The following EYS variants were observed in gnomAD, a reference collection of about 807,000 sequenced individuals.
EYS encodes the protein EGF-like photoreceptor maintenance factor.
A neutral mutation model predicts 282.1 loss-of-function variants in EYS; 250 were observed. That is an observed-to-expected ratio of 0.89 (90% CI 0.80 to 0.98). EYS has a LOEUF of 0.98. EYS is among the 50% of genes least tolerant of loss of function. The probability of loss-of-function intolerance (pLI) is 0.00; values close to 1 mark genes in which losing one functional copy is unlikely to be tolerated. For synonymous variants in EYS, 1,355 were observed against 1,282.9 expected (o/e 1.06, Z -1.20); for missense variants, 4,016 against 3,709.0 (o/e 1.08, Z -2.15).
chr6:65,378,546 A>C (rs753522997), intron 8 of EYS, among the ~76,000 whole-genome samples: 1 of 152,204 alleles, frequency 6.6e-6, no homozygotes, highest in Non-Finnish European at 1.5e-5. Flanking sequence ...ATATATCCAA[A>C]GGATTATAAT....
chr6:64,092,578 T>C (rs1028728923), intron 31 of EYS, among the ~76,000 whole-genome samples: 4 of 152,224 alleles, frequency 2.6e-5, no homozygotes, highest in Non-Finnish European at 5.9e-5. Context: ...TCATATCCTT[T>C]GCCCACTTTT....
At chr6:64,269,996 C>T (rs1767888944) in intron 30 of EYS, among the ~76,000 whole-genome samples, 1 of 152,022 alleles carries the variant, frequency 6.6e-6, no homozygotes, top group African/African-American at 2.4e-5. Flanking sequence ...TGAATATCAA[C>T]ATACTTTAAG....
chr6:64,590,684 C>CT lies in EYS; in HGVS notation c.5182dup (p.Ser1728LysfsTer2). The CT allele has an allele frequency of 6.4e-7, 1 of 1,551,208 alleles. No homozygotes were observed. Among genetic ancestry groups the CT allele is most frequent in the Non-Finnish European group, 8.7e-7 (1 of 1,146,672 alleles). On this transcript the variant is annotated frameshift_variant, in exon 26 of 43. Coordinates refer to ENST00000503581, the MANE Select transcript of EYS (RefSeq NM_001142800.2). LOFTEE classifies it high-confidence loss of function. The stretch of plus-strand genomic sequence containing the variant: ...TTTGAACAGTGTATGAGATCCTTTA[C>CT]TTTTTTCCATGTCCAATAAGCTCTC...
rs191947114 is a variant in EYS, at chr6:64,213,216, C to G, written c.6424+17376G>C. 3.9e-5 allele frequency among the ~76,000 whole-genome samples: 6 copies of G among 152,148 alleles called. No individual in the cohort carries two copies. The East Asian group carries it at 1.2e-3, about 29-fold the overall frequency. ...ACAAACCTGCACATGTACCCCTGAA[C>G]TTAAAAGTTAAAAAAAATTTCAACA... On this transcript the variant is annotated intron_variant, in intron 31 of 42. Coordinates refer to ENST00000503581, the MANE Select transcript of EYS (RefSeq NM_001142800.2).
chr6:64,335,607 C>T (rs1192688834), intron 29 of EYS, among the ~76,000 whole-genome samples: 2 of 152,064 alleles, frequency 1.3e-5, no homozygotes, highest in African/African-American at 2.4e-5. Flanking sequence ...AGCCAGTTAT[C>T]ACTTCAATTT....
At chr6:64,994,511 G>C (rs1771181434) in intron 14 of EYS, among the ~76,000 whole-genome samples, 1 of 152,026 alleles carries the variant, frequency 6.6e-6, no homozygotes, top group Non-Finnish European at 1.5e-5. Flanking sequence ...TGACTCTTTA[G>C]GCAAATGCGA....
Position 64,955,755 on chromosome 6 carries a change from G to A in EYS, c.2260-9841C>T, listed in dbSNP as rs74416980. Among the ~76,000 whole-genome samples, 427 of 152,202 alleles carry A rather than the reference G, an allele frequency of 2.8e-3. 4 individuals are homozygous for A. In the East Asian group the frequency reaches 0.031, roughly 11 times the overall value. ...ATAGATGCAACGTCCCCGGGGGAGC[G>A]GGGGAACTTTACTCCTCCTATTAAG... On this transcript the variant is annotated intron_variant, in intron 14 of 42. Coordinates refer to ENST00000503581, the MANE Select transcript of EYS (RefSeq NM_001142800.2).
At chr6:65,426,907 T>A (rs923973796) in intron 5 of EYS, among the ~76,000 whole-genome samples, 3 of 152,282 alleles carry the variant, frequency 2.0e-5, no homozygotes, top group South Asian at 4.1e-4. Context: ...GTGGCTTGAT[T>A]TAAACTTTAT....
intron 31 of EYS, among the ~76,000 whole-genome samples, chr6:64,215,995 A>G (rs897793034): frequency 1.3e-5 from 2 of 152,242 alleles, no homozygotes; most frequent in Non-Finnish European, 2.9e-5. Context: ...TGACACAAGA[A>G]GACATGAAAT....
At chr6:65,148,315 T>A (rs2150213399) in intron 12 of EYS, among the ~76,000 whole-genome samples, 1 of 152,220 alleles carries the variant, frequency 6.6e-6, no homozygotes, top group South Asian at 2.1e-4. Flanking sequence ...TAAACACACC[T>A]ATTCCAAATG....
At chr6:64,439,096 C>A in intron 27 of EYS, 66 bp downstream of exon 27, 4 of 823,882 alleles carry the variant, frequency 4.9e-6, no homozygotes, top group African/African-American at 1.8e-5. Context: ...TTGAAAATAA[C>A]CAATGAAGCA....
intron 31 of EYS, among the ~76,000 whole-genome samples, chr6:64,142,167 A>G (rs1022305854): frequency 2.0e-5 from 3 of 152,040 alleles, no homozygotes; most frequent in Non-Finnish European, 4.4e-5. Flanking sequence ...TCCCATGCTG[A>G]CCGTTACCTC....
At chr6:65,557,695 C>A (rs1009863505) in intron 2 of EYS, among the ~76,000 whole-genome samples, 7 of 152,132 alleles carry the variant, frequency 4.6e-5, no homozygotes, top group African/African-American at 1.7e-4. Flanking sequence ...TCCTTTCACT[C>A]CCGAGGTTTG....
At chr6:65,128,022 G>T (rs1037431466) in intron 12 of EYS, among the ~76,000 whole-genome samples, 1 of 151,932 alleles carries the variant, frequency 6.6e-6, no homozygotes, top group African/African-American at 2.4e-5. Flanking sequence ...GGAAGCAATT[G>T]TCTTTCTGAA....
intron 30 of EYS, among the ~76,000 whole-genome samples, chr6:64,257,906 C>T (rs1767456812): frequency 6.6e-6 from 1 of 151,928 alleles, no homozygotes; most frequent in African/African-American, 2.4e-5. Context: ...TTGTTGACAA[C>T]TAAAAAGATC....
chr6:64,605,158 C>G (rs1766884049), intron 24 of EYS, among the ~76,000 whole-genome samples: 1 of 151,670 alleles, frequency 6.6e-6, no homozygotes, highest in Non-Finnish European at 1.5e-5. Context: ...TAGGTTACCC[C>G]CAAATTTTAA....
chr6:64,689,003 T>C (rs975652662), intron 22 of EYS, among the ~76,000 whole-genome samples: 1 of 152,012 alleles, frequency 6.6e-6, no homozygotes, highest in Non-Finnish European at 1.5e-5. Flanking sequence ...ATAAAGGGCA[T>C]TCAATTAGGA....
intron 12 of EYS, among the ~76,000 whole-genome samples, chr6:65,131,802 A>C (rs1775887151): frequency 1.3e-5 from 2 of 151,668 alleles, no homozygotes; most frequent in African/African-American, 4.8e-5. Flanking sequence ...TTTTTGAAAA[A>C]ATTAATATGA....
At chr6:64,480,673 A>G (rs1247114642) in intron 26 of EYS, among the ~76,000 whole-genome samples, 1 of 151,900 alleles carries the variant, frequency 6.6e-6, no homozygotes, top group Non-Finnish European at 1.5e-5. Context: ...TGTTGATAGC[A>G]GTAAACGTTA....
Sources: gnomAD v4.1 joint callset for allele counts (sites outside exome capture counted in the v4.1 genomes callset) on GRCh38, gnomAD v4.1.1 for gene constraint, MANE v1.5 for transcripts, NCBI Gene and HGNC (gene_info 2026-07-23, HGNC 2026-07-21) for gene names.